Variants in IGSF11 observed in about 807,000 individuals in gnomAD.
The protein encoded by IGSF11 is CXADR like 1.
In IGSF11, 22 loss-of-function variants were observed where a neutral mutation model predicts 41.0. That is an observed-to-expected ratio of 0.54 (90% CI 0.38 to 0.77). The LOEUF (loss-of-function observed/expected upper bound fraction) is 0.77, where lower values mean the gene tolerates loss of function less well. Ranked by LOEUF, IGSF11 falls within the 30% of genes least tolerant of loss-of-function variation. The pLI is 0.00. For missense variants in IGSF11, 444 were observed against 530.8 expected (o/e 0.84, Z 1.61); for synonymous variants, 219 against 201.3 (o/e 1.09, Z -0.74).
intron 1 of IGSF11, among the ~76,000 whole-genome samples, chr3:118,969,165 A>T (rs1295768728): frequency 6.6e-6 from 1 of 152,216 alleles, no homozygotes; most frequent in African/African-American, 2.4e-5. Context: ...AGAAACAAAA[A>T]GCACTATGCA....
At chr3:118,924,362 A>G (rs1021513825) in intron 4 of IGSF11, among the ~76,000 whole-genome samples, 1 of 151,994 alleles carries the variant, frequency 6.6e-6, no homozygotes, top group Admixed American at 6.6e-5. Context: ...TTTAAACATA[A>G]TTAGTAAAGT....
intron 1 of IGSF11, 74 bp downstream of exon 1, chr3:119,034,457 T>A: frequency 7.4e-7 from 1 of 1,356,378 alleles, no homozygotes; most frequent in Non-Finnish European, 9.7e-7. Flanking sequence ...CTCTTTGCCG[T>A]CCCCAAACAG....
intron 1 of IGSF11, among the ~76,000 whole-genome samples, chr3:119,017,033 G>A (rs1465983682): frequency 2.5e-5 from 3 of 120,030 alleles, no homozygotes; most frequent in East Asian, 2.3e-4. Context: ...TTAAATGGAC[G>A]CAGGACAAAA....
intron 1 of IGSF11, among the ~76,000 whole-genome samples, chr3:119,121,187 T>C (rs547141590): frequency 6.6e-6 from 1 of 152,130 alleles, no homozygotes; most frequent in Non-Finnish European, 1.5e-5. Flanking sequence ...ATATCACATG[T>C]ACATTGAAAA....
At chr3:119,051,648 C>T (rs991080412) in intron 1 of IGSF11, among the ~76,000 whole-genome samples, 1 of 152,172 alleles carries the variant, frequency 6.6e-6, no homozygotes, top group Non-Finnish European at 1.5e-5. Flanking sequence ...ATTTACAGAA[C>T]ATTCTACCCA....
chr3:119,030,784 T>C lies in IGSF11; in HGVS notation c.52+3747A>G, dbSNP rs552553492. ...AAAATGCAGGGATGAGATGTGTTAG[T>C]GCCAGCTAGCCCTCACCAAACAAAG... is the stretch of plus-strand genomic sequence containing the variant. On this transcript the variant is annotated intron_variant, in intron 1 of 6. Transcript: ENST00000393775. Among the ~76,000 whole-genome samples the C allele has an allele frequency of 2.0e-5, 3 of 152,300 alleles. No homozygotes were observed. In the South Asian group the frequency reaches 6.2e-4, roughly 32 times the overall value.
chr3:119,074,953 A>G (rs2076468089), intron 1 of IGSF11, among the ~76,000 whole-genome samples: 1 of 152,174 alleles, frequency 6.6e-6, no homozygotes, highest in Non-Finnish European at 1.5e-5. Context: ...ACCAATACCA[A>G]TGCTGGCAAA....
intron 1 of IGSF11, among the ~76,000 whole-genome samples, chr3:118,973,172 G>GTA (rs1404232512): frequency 5.3e-5 from 8 of 152,310 alleles, no homozygotes; most frequent in African/African-American, 1.9e-4. Flanking sequence ...CTTGTCATAT[G>GTA]TATACAGAAG....
chr3:119,046,995 A>G (rs1159310265), intron 1 of IGSF11, among the ~76,000 whole-genome samples: 1 of 144,238 alleles, frequency 6.9e-6, no homozygotes, highest in Non-Finnish European at 1.5e-5. Flanking sequence ...TCCCGAAGGA[A>G]GCGCTAAACA....
chr3:118,940,822 T>C (rs1185714202), intron 1 of IGSF11, among the ~76,000 whole-genome samples: 1 of 151,188 alleles, frequency 6.6e-6, no homozygotes, highest in African/African-American at 2.4e-5. Flanking sequence ...GCAATTGATT[T>C]CCAACAAAGT....
intron 1 of IGSF11, among the ~76,000 whole-genome samples, chr3:118,968,039 T>A (rs1945804102): frequency 6.6e-6 from 1 of 152,194 alleles, no homozygotes; most frequent in Non-Finnish European, 1.5e-5. Flanking sequence ...AAGGGTGACT[T>A]ACAAGTAGGG....
chr3:119,089,767 G>A (rs966116300), intron 1 of IGSF11, among the ~76,000 whole-genome samples: 2 of 152,198 alleles, frequency 1.3e-5, no homozygotes, highest in East Asian at 3.8e-4. Context: ...GCTCACACCT[G>A]TAATCTCAGC....
At chr3:118,998,783 C>A (rs1489859082) in intron 1 of IGSF11, among the ~76,000 whole-genome samples, 1 of 151,924 alleles carries the variant, frequency 6.6e-6, no homozygotes, top group Non-Finnish European at 1.5e-5. Context: ...ACGCTCATTC[C>A]CAAAAGCATG....
chr3:119,055,330 T>C (rs541045842), intron 1 of IGSF11, among the ~76,000 whole-genome samples: 45 of 152,256 alleles, frequency 3.0e-4, no homozygotes, highest in African/African-American at 1.0e-3. Flanking sequence ...GGATGGAGAA[T>C]GACTTTGACA....
chr3:118,941,261 A>G (rs1943674161), intron 1 of IGSF11, among the ~76,000 whole-genome samples: 1 of 152,158 alleles, frequency 6.6e-6, no homozygotes, highest in South Asian at 2.1e-4. Context: ...TATAATATCT[A>G]AAAACTCTTA....
intron 1 of IGSF11, among the ~76,000 whole-genome samples, chr3:118,995,090 A>G (rs1936137272): frequency 6.6e-6 from 1 of 152,238 alleles, no homozygotes. Flanking sequence ...ACAAATTTCA[A>G]ACCTTCTCCT....
intron 4 of IGSF11, among the ~76,000 whole-genome samples, chr3:118,914,313 A>G (rs1328493517): frequency 6.6e-6 from 1 of 152,040 alleles, no homozygotes; most frequent in Non-Finnish European, 1.5e-5. Context: ...GACGCAGAAG[A>G]CGGGTGATTT....
chr3:119,026,795 A>G (rs1455466921), intron 1 of IGSF11, among the ~76,000 whole-genome samples: 3 of 152,242 alleles, frequency 2.0e-5, no homozygotes, highest in Non-Finnish European at 4.4e-5. Context: ...TCAAGGCTGA[A>G]GGAACTAATC....
intron 1 of IGSF11, among the ~76,000 whole-genome samples, chr3:119,068,544 C>A (rs1356693626): frequency 1.3e-5 from 2 of 152,140 alleles, no homozygotes; most frequent in Non-Finnish European, 2.9e-5. Context: ...GAACATTATG[C>A]CATTTAATAT....
Sources: gnomAD v4.1 joint callset for allele counts (sites outside exome capture counted in the v4.1 genomes callset) on GRCh38, gnomAD v4.1.1 for gene constraint, MANE v1.5 for transcripts, NCBI Gene and HGNC (gene_info 2026-07-23, HGNC 2026-07-21) for gene names.